Variants in NTRK3 observed in about 807,000 individuals in gnomAD.
NTRK3 encodes the protein neurotrophic receptor tyrosine kinase 3.
In NTRK3, 24 loss-of-function variants were observed where a neutral mutation model predicts 91.7. The observed-to-expected ratio is 0.26, with a 90% CI of 0.19 to 0.37. NTRK3 has a LOEUF of 0.37. Among genes scored for constraint, NTRK3 ranks in the 10% least tolerant of loss-of-function variants. The pLI is 1.00. For synonymous variants in NTRK3, 483 were observed against 404.0 expected, an observed-to-expected ratio of 1.20 and a Z score of -2.34; for missense variants, 880 against 1,068.9, an observed-to-expected ratio of 0.82 and a Z score of 2.46.
intron 14 of NTRK3, among the ~76,000 whole-genome samples, chr15:88,004,560 C>T (rs2076353837): frequency 6.6e-6 from 1 of 152,154 alleles, no homozygotes; most frequent in African/African-American, 2.4e-5. Flanking sequence ...ATCATCAAAA[C>T]AGCTGTTGGA....
intron 18 of NTRK3, among the ~76,000 whole-genome samples, chr15:87,878,976 G>A (rs577947276): frequency 1.1e-3 from 158 of 149,890 alleles, no homozygotes; most frequent in African/African-American, 3.8e-3. Flanking sequence ...CCTCCCCTGC[G>A]AAAACAGTAA....
intron 13 of NTRK3, among the ~76,000 whole-genome samples, chr15:88,038,384 C>T (rs897264986): frequency 4.1e-4 from 63 of 152,190 alleles, no homozygotes; most frequent in African/African-American, 1.4e-3. Context: ...CACATAGGCC[C>T]ATCACTTCAA....
At chr15:87,896,379 G>C (rs754226082) in intron 17 of NTRK3, among the ~76,000 whole-genome samples, 13 of 151,606 alleles carry the variant, frequency 8.6e-5, no homozygotes, top group Admixed American at 5.3e-4. Flanking sequence ...GCTGAGGCAG[G>C]AGAATTGCTT....
rs532850004 is a variant in NTRK3 at position 88,189,527 on chromosome 15, C to T, written c.249-5228G>A. Among the ~76,000 whole-genome samples, 126 of 152,098 alleles carry T rather than the reference C, an allele frequency of 8.3e-4. 1 individual carries two copies. Among genetic ancestry groups the T allele is most frequent in the Non-Finnish European group, 1.4e-3 (94 of 68,004 alleles). On this transcript the variant is annotated intron_variant, in intron 3 of 18. Coordinates refer to ENST00000394480, the Ensembl canonical transcript of NTRK3. ...GTGGGGTGCAATGGCTCACTGCAAC[C>T]TCTGCCTCCCAGGTTCAAGCAATTC...
At chr15:88,042,083 C>A (rs1185970110) in intron 13 of NTRK3, among the ~76,000 whole-genome samples, 1 of 152,028 alleles carries the variant, frequency 6.6e-6, no homozygotes, top group African/African-American at 2.4e-5. Flanking sequence ...TTTTTTAAAA[C>A]CTCAACCTTT....
chr15:87,953,676 A>C (rs1419445361), intron 14 of NTRK3, among the ~76,000 whole-genome samples: 1 of 152,138 alleles, frequency 6.6e-6, no homozygotes, highest in East Asian at 1.9e-4. Flanking sequence ...AGCCTCAGGA[A>C]CCCACATCAA....
intron 15 of NTRK3, 75 bp downstream of exon 15, chr15:87,940,548 G>A (rs2142015600): frequency 1.2e-6 from 2 of 1,606,226 alleles, no homozygotes; most frequent in South Asian, 1.1e-5. Context: ...TTCTCAAATG[G>A]AGGGAGCCTC....
chr15:88,114,601 G>T (rs926327178), intron 13 of NTRK3, among the ~76,000 whole-genome samples: 10 of 152,194 alleles, frequency 6.6e-5, no homozygotes, highest in Admixed American at 1.3e-4. Flanking sequence ...AAGACAGGCT[G>T]TTAGCAGAAA....
At chr15:88,217,114 TAAC>T (rs761392644) in intron 3 of NTRK3, among the ~76,000 whole-genome samples, 31 of 152,040 alleles carry the variant, frequency 2.0e-4, no homozygotes, top group Non-Finnish European at 3.4e-4. Flanking sequence ...AAACAAAAAA[TAAC>T]AAGAGTTGGT....
intron 14 of NTRK3, among the ~76,000 whole-genome samples, chr15:87,945,764 A>G (rs2070408048): frequency 6.6e-6 from 1 of 151,374 alleles, no homozygotes; most frequent in Admixed American, 6.6e-5. Context: ...GGAACAAAAA[A>G]TCTGCCCCAA....
intron 14 of NTRK3, among the ~76,000 whole-genome samples, chr15:87,988,229 C>G (rs1234675332): frequency 2.0e-5 from 3 of 152,080 alleles, no homozygotes; most frequent in Admixed American, 6.6e-5. Context: ...AACTGACAGC[C>G]AAAATTGAGA....
intron 13 of NTRK3, among the ~76,000 whole-genome samples, chr15:88,095,952 C>A (rs1445289110): frequency 6.6e-6 from 1 of 152,172 alleles, no homozygotes; most frequent in Non-Finnish European, 1.5e-5. Context: ...CTGCAGTGGT[C>A]ATTTGTCCAT....
At chr15:88,012,971 G>A (rs1021598045) in intron 14 of NTRK3, among the ~76,000 whole-genome samples, 6 of 152,146 alleles carry the variant, frequency 3.9e-5, no homozygotes, top group African/African-American at 7.2e-5. Context: ...CCCTGACTTC[G>A]AAGAACAACG....
At chr15:88,105,923 A>G (rs2050656638) in intron 13 of NTRK3, among the ~76,000 whole-genome samples, 6 of 152,238 alleles carry the variant, frequency 3.9e-5, no homozygotes. Context: ...TAAGTGACTC[A>G]CCCAAATCAA....
chr15:87,987,848 G>C (rs2074958987), intron 14 of NTRK3, among the ~76,000 whole-genome samples: 1 of 151,656 alleles, frequency 6.6e-6, no homozygotes, highest in Non-Finnish European at 1.5e-5. Context: ...CTGCACTCCA[G>C]CCTGGGTGAC....
intron 14 of NTRK3, among the ~76,000 whole-genome samples, chr15:87,997,773 A>T (rs1378393850): frequency 1.3e-5 from 2 of 152,288 alleles, no homozygotes; most frequent in African/African-American, 4.8e-5. Flanking sequence ...TGCCATAGGC[A>T]CTTAGATAAC....
At chr15:88,141,187 G>A (rs1322740517) in intron 6 of NTRK3, among the ~76,000 whole-genome samples, 1 of 152,136 alleles carries the variant, frequency 6.6e-6, no homozygotes, top group African/African-American at 2.4e-5. Flanking sequence ...TTGCCTTGGG[G>A]TTATGTCAAG....
chr15:88,143,190 T>C (rs564619145), intron 6 of NTRK3, among the ~76,000 whole-genome samples: 1 of 152,332 alleles, frequency 6.6e-6, no homozygotes, highest in Non-Finnish European at 1.5e-5. Context: ...GCCTCTGCAC[T>C]CTAGCCTGGG....
intron 17 of NTRK3, among the ~76,000 whole-genome samples, chr15:87,923,427 G>C (rs780513261): frequency 9.2e-5 from 14 of 152,164 alleles, no homozygotes; most frequent in Admixed American, 1.3e-4. Flanking sequence ...GACCAAGGAA[G>C]GACCCCACAC....
Sources: gnomAD v4.1 joint callset for allele counts (sites outside exome capture counted in the v4.1 genomes callset) on GRCh38, gnomAD v4.1.1 for gene constraint, MANE v1.5 for transcripts, NCBI Gene and HGNC (gene_info 2026-07-23, HGNC 2026-07-21) for gene names.